LRRC37A2: variants seen among roughly 807,000 people sequenced by gnomAD.
LRRC37A2 encodes the protein leucine-rich repeat-containing protein 37A2.
LRRC37A2 carries 9 observed loss-of-function variants against 68.8 expected under a neutral mutation model. That is an observed-to-expected ratio of 0.13 (90% CI 0.08 to 0.23). The LOEUF (loss-of-function observed/expected upper bound fraction) is 0.23. LRRC37A2 is among the 10% of genes least tolerant of loss of function. The probability of loss-of-function intolerance (pLI) is 1.00; values close to 1 mark genes in which losing one functional copy is unlikely to be tolerated. For missense variants in LRRC37A2, 168 were observed against 950.4 expected (o/e 0.18, Z 10.82); for synonymous variants, 63 against 367.6 (o/e 0.17, Z 9.48).
chr17:47,001,405 G>C, the LRRC37A2 span, among the ~76,000 whole-genome samples: 1 of 2,258 alleles, frequency 4.4e-4, no homozygotes, highest in African/African-American at 5.1e-4. Context: ...CAGATGCTGG[G>C]GGGTTCTCAA....
At chr17:46,796,734 G>A in the LRRC37A2 span, among the ~76,000 whole-genome samples, 1 of 152,216 alleles carries the variant, frequency 6.6e-6, no homozygotes, top group Non-Finnish European at 1.5e-5. Flanking sequence ...AGCGGTGCCT[G>A]ATCAGTCCCT....
the LRRC37A2 span, among the ~76,000 whole-genome samples, chr17:47,003,875 T>C: frequency 6.6e-6 from 1 of 152,154 alleles, no homozygotes; most frequent in Non-Finnish European, 1.5e-5. Flanking sequence ...TCCCCCTTCC[T>C]CCACCCCACA....
At chr17:46,959,580 A>G in the LRRC37A2 span, among the ~76,000 whole-genome samples, 22 of 152,236 alleles carry the variant, frequency 1.4e-4, no homozygotes, top group Admixed American at 9.2e-4. Context: ...TATTACTATT[A>G]TAAATGTTTA....
At chr17:47,038,140 C>CA in the LRRC37A2 span, among the ~76,000 whole-genome samples, 10 of 150,680 alleles carry the variant, frequency 6.6e-5, no homozygotes, top group East Asian at 5.9e-4. Context: ...CTTATCTCTA[C>CA]AAAAAAAAAT....
the LRRC37A2 span, among the ~76,000 whole-genome samples, chr17:46,610,099 T>TTCTCTCTC: frequency 1.7e-4 from 15 of 89,432 alleles, no homozygotes; most frequent in African/African-American, 5.7e-4. Context: ...TTTTCTCTCT[T>TTCTCTCTC]TCTCTCTCTC....
chr17:46,779,275 G>C, the LRRC37A2 span, among the ~76,000 whole-genome samples: 127,956 of 152,234 alleles, frequency 0.84, 54,091 homozygotes, highest in East Asian at 1. Context: ...TGGTTCCGCT[G>C]AGGAAGTTCC....
the LRRC37A2 span, chr17:47,021,913 C>T: frequency 4.2e-5 from 64 of 1,517,388 alleles, no homozygotes; most frequent in East Asian, 8.3e-4. Flanking sequence ...ACAGTTGGAC[C>T]GAGAAACTGT....
the LRRC37A2 span, chr17:46,931,298 C>T: frequency 6.6e-6 from 5 of 760,848 alleles, no homozygotes; most frequent in Non-Finnish European, 1.2e-5. Flanking sequence ...ATTCTGAAAA[C>T]CAACGTACAT....
the LRRC37A2 span, among the ~76,000 whole-genome samples, chr17:46,703,680 CAAA>C: frequency 2.7e-5 from 1 of 37,718 alleles, no homozygotes; most frequent in African/African-American, 1.1e-4. Context: ...GACTCCGTCT[CAAA>C]AAAAAAAAAA....
chr17:47,014,404 A>AG, the LRRC37A2 span, among the ~76,000 whole-genome samples: 4 of 151,736 alleles, frequency 2.6e-5, no homozygotes, highest in Non-Finnish European at 4.4e-5. Flanking sequence ...AAAAAAAAAA[A>AG]AAAAGAAAAA....
At chr17:46,874,012 G>A in the LRRC37A2 span, among the ~76,000 whole-genome samples, 1 of 150,886 alleles carries the variant, frequency 6.6e-6, no homozygotes, top group Non-Finnish European at 1.5e-5. Flanking sequence ...AAAAAATGCA[G>A]TGATGCTGTA....
At chr17:46,821,225 CAG>C in the LRRC37A2 span, 3 of 152,326 alleles carry the variant, frequency 2.0e-5, no homozygotes, top group African/African-American at 7.2e-5. Flanking sequence ...TGGGAAGTGA[CAG>C]AGGAGAGGAC....
rs200450444 is a variant in LRRC37A2, at chr17:46,548,526, G to A, written c.3387G>A (p.Ala1129=). Residue 1129 remains alanine (A), a synonymous_variant, in exon 10 of 15, where the codon GCG becomes GCA. Transcript: ENST00000576629. Reference sequence around the variant, plus strand: ...GTTACATCTTGCCTTATTTCTCAGCGGTAAACCTAGATGTGAAATCACTGT... The same window carrying A: ...GTTACATCTTGCCTTATTTCTCAGCAGTAAACCTAGATGTGAAATCACTGT... 8,011 of 1,395,682 alleles carry A rather than the reference G, an allele frequency of 5.7e-3. 2 individuals carry two copies. The highest frequency in any genetic ancestry group is 0.019 in the Middle Eastern group (73 of 3,870). The allele number at this position is 1,395,682 out of a possible 1,614,324, so 86.5% of individuals were successfully genotyped here. A position where few individuals can be genotyped will look rare whatever the true frequency, so the allele number is the denominator to read the frequency against.
the LRRC37A2 span, among the ~76,000 whole-genome samples, chr17:46,944,549 C>T: frequency 1.3e-5 from 2 of 152,072 alleles, no homozygotes; most frequent in Non-Finnish European, 2.9e-5. Context: ...GGGCCTCGCT[C>T]CCCAGAGATG....
chr17:46,901,260 C>A, the LRRC37A2 span, among the ~76,000 whole-genome samples: 3 of 152,044 alleles, frequency 2.0e-5, no homozygotes, highest in Non-Finnish European at 4.4e-5. Context: ...CTCCTGGGTT[C>A]AAGTGATTCT....
the LRRC37A2 span, chr17:46,851,536 T>C: frequency 1.8e-6 from 1 of 551,992 alleles, no homozygotes; most frequent in Non-Finnish European, 2.7e-6. This position sits in a 1 kb window ranked among gnomAD's most constrained non-coding sequence, Gnocchi z 4.3. Flanking sequence ...CAGCGCCGCC[T>C]GCCCCGCCCC....
the LRRC37A2 span, among the ~76,000 whole-genome samples, chr17:46,999,998 C>CAAAATAAT: frequency 6.2e-5 from 3 of 48,354 alleles, no homozygotes; most frequent in African/African-American, 2.2e-4. Context: ...GACTCCATCT[C>CAAAATAAT]AAAATAAAAT....
chr17:46,977,282 C>G, the LRRC37A2 span, among the ~76,000 whole-genome samples: 1 of 152,192 alleles, frequency 6.6e-6, no homozygotes, highest in Admixed American at 6.5e-5. Flanking sequence ...CCACCCACAG[C>G]AAAAGAGAGA....
At chr17:46,795,574 C>T in the LRRC37A2 span, among the ~76,000 whole-genome samples, 1 of 152,206 alleles carries the variant, frequency 6.6e-6, no homozygotes, top group East Asian at 1.9e-4. Context: ...GCTCACTTGC[C>T]TGGTTAAAAG....
Sources: allele counts gnomAD v4.1 joint callset (sites outside exome capture counted in the v4.1 genomes callset), GRCh38; gene constraint gnomAD v4.1.1; non-coding constraint Gnocchi (gnomAD v3.1); transcripts MANE v1.5; gene names NCBI Gene and HGNC (gene_info 2026-07-23, HGNC 2026-07-21).